Variants in GPR158 observed in about 807,000 individuals in gnomAD.
The protein encoded by GPR158 is metabotropic glycine receptor.
In GPR158, 30 loss-of-function variants were observed where a neutral mutation model predicts 78.2. The ratio of observed to expected loss-of-function variants is 0.38; its 90% CI spans 0.29 to 0.52. GPR158 has a LOEUF of 0.52. Among genes scored for constraint, GPR158 ranks in the 20% least tolerant of loss-of-function variants. The probability of loss-of-function intolerance (pLI) is 0.83; values close to 1 mark genes in which losing one functional copy is unlikely to be tolerated. For missense variants in GPR158, 1,463 were observed against 1,523.5 expected, an observed-to-expected ratio of 0.96 and a Z score of 0.66; for synonymous variants, 581 against 591.1, an observed-to-expected ratio of 0.98 and a Z score of 0.25.
At chr10:25,308,655 C>T (rs1294884869) in intron 2 of GPR158, among the ~76,000 whole-genome samples, 1 of 152,166 alleles carries the variant, frequency 6.6e-6, no homozygotes, top group Non-Finnish European at 1.5e-5. Context: ...TCTCCATTTC[C>T]AGAACTCTTT....
At chr10:25,221,822 G>C (rs1475068348) in intron 2 of GPR158, among the ~76,000 whole-genome samples, 3 of 152,224 alleles carry the variant, frequency 2.0e-5, no homozygotes, top group South Asian at 2.1e-4. Flanking sequence ...CATTTCCAAG[G>C]TCCTCAAACT....
Position 25,206,271 on chromosome 10 carries a change from G to T in GPR158, c.903-14781G>T, listed in dbSNP as rs199657120. Among the ~76,000 whole-genome samples, 6 of 152,144 alleles carry T rather than the reference G, an allele frequency of 3.9e-5. No individual in the cohort carries two copies. The East Asian group carries it at 9.6e-4, about 24-fold the overall frequency. ...CAAAGTGCTGGGATTACAGGCGTGA[G>T]CCACCGCGCCCGGCCCAGATATGGG... On this transcript the variant is annotated intron_variant, in intron 1 of 10. Coordinates refer to ENST00000376351, the MANE Select transcript of GPR158 (RefSeq NM_020752.3).
intron 2 of GPR158, among the ~76,000 whole-genome samples, chr10:25,332,122 G>T (rs572772538): frequency 6.8e-6 from 1 of 147,034 alleles, no homozygotes; most frequent in Admixed American, 6.7e-5. Context: ...CCTGGGGGGG[G>T]GCGAATACAT....
intron 7 of GPR158, among the ~76,000 whole-genome samples, chr10:25,575,585 A>G (rs1377055019): frequency 6.6e-6 from 1 of 152,170 alleles, no homozygotes; most frequent in African/African-American, 2.4e-5. Flanking sequence ...ATATTACTCT[A>G]AAGTACAGAA....
intron 4 of GPR158, among the ~76,000 whole-genome samples, chr10:25,448,152 T>C (rs1487754207): frequency 1.3e-5 from 2 of 150,554 alleles, no homozygotes; most frequent in South Asian, 2.1e-4. Context: ...TGGTGTGATC[T>C]AGGCTCACTG....
At chr10:25,369,861 A>G (rs904418368) in intron 2 of GPR158, among the ~76,000 whole-genome samples, 21 of 152,204 alleles carry the variant, frequency 1.4e-4, no homozygotes, top group African/African-American at 5.1e-4. Flanking sequence ...TTATTGGTCT[A>G]TTCAGGATTC....
chr10:25,509,902 C>T (rs185590763), intron 5 of GPR158, among the ~76,000 whole-genome samples: 6 of 152,144 alleles, frequency 3.9e-5, no homozygotes, highest in East Asian at 1.9e-4. Flanking sequence ...TTAGTTGAGA[C>T]GGGGTTTCAC....
In GPR158 at chr10:25,572,781, C is replaced by T. The variant is rs1284417249; in HGVS notation, c.1647C>T (p.Cys549=). ...TCATTGGCTGGACTTCATCTGTGTG[C>T]CAGAATTTGGAGAAACAGATTTCAC... ...WFLIGWTSSV[C]QNLEKQISLI... is the part of the protein sequence containing the mutation. Residue 549 remains cysteine, a synonymous_variant, in exon 7 of 11, where the codon TGC becomes TGT. Coordinates refer to ENST00000376351, the MANE Select transcript of GPR158 (RefSeq NM_020752.3). 6.2e-7 allele frequency: 1 copy of T among 1,613,160 alleles called. No homozygotes were observed. The highest frequency in any genetic ancestry group is 1.7e-5 in the Admixed American group (1 of 59,982).
intron 1 of GPR158, among the ~76,000 whole-genome samples, chr10:25,204,818 G>GGTT (rs1483084808): frequency 8.4e-6 from 1 of 118,968 alleles, no homozygotes; most frequent in African/African-American, 3.4e-5. Context: ...GTCTCTGAGG[G>GGTT]TTTTTTTTTT....
chr10:25,391,553 C>A (rs971710142), intron 2 of GPR158, among the ~76,000 whole-genome samples: 3 of 152,150 alleles, frequency 2.0e-5, no homozygotes, highest in Admixed American at 2.0e-4. Context: ...AGGCCTGTAG[C>A]CCCTTTATGT....
intron 4 of GPR158, among the ~76,000 whole-genome samples, chr10:25,420,695 T>A (rs1431902040): frequency 6.6e-6 from 1 of 152,218 alleles, no homozygotes; most frequent in Non-Finnish European, 1.5e-5. Context: ...ATTTCCAGTT[T>A]TCCCAACACC....
chr10:25,305,509 G>A (rs1588787983), intron 2 of GPR158, among the ~76,000 whole-genome samples: 1 of 152,100 alleles, frequency 6.6e-6, no homozygotes, highest in South Asian at 2.1e-4. Context: ...AGGATCCTAT[G>A]GGGATGGATA....
At position 25,201,659 on chromosome 10, in the gene GPR158, A is replaced by G. The variant is rs1029551799; in HGVS notation, c.903-19393A>G. ...ACTTATTTTGAGGTATGTTCCTTCA[A>G]TGCCTAGTTTGTTGAGGGTTTTTAA... On this transcript the variant is annotated intron_variant, in intron 1 of 10. Transcript: ENST00000376351. Among the ~76,000 whole-genome samples the G allele has an allele frequency of 3.9e-5, 6 of 152,198 alleles. No homozygotes were observed. The South Asian group carries it at 6.2e-4, about 16-fold the overall frequency.
intron 2 of GPR158, among the ~76,000 whole-genome samples, chr10:25,376,778 A>T (rs988038879): frequency 2.0e-5 from 3 of 151,760 alleles, no homozygotes; most frequent in African/African-American, 7.2e-5. Context: ...ATCCTGAATT[A>T]GCAGTTATTT....
intron 4 of GPR158, among the ~76,000 whole-genome samples, chr10:25,435,815 G>A (rs12773262): frequency 0.091 from 13,879 of 152,220 alleles, 683 homozygotes; most frequent in East Asian, 0.17. Flanking sequence ...GAAATGACAA[G>A]AAGTCTCTTG....
intron 1 of GPR158, among the ~76,000 whole-genome samples, chr10:25,192,312 A>T (rs1405602648): frequency 6.6e-6 from 1 of 152,200 alleles, no homozygotes; most frequent in Non-Finnish European, 1.5e-5. Flanking sequence ...CTCCCCAGCC[A>T]AATGGAACTG....
At chr10:25,244,086 A>G (rs1204105320) in intron 2 of GPR158, 1 of 152,128 alleles carries the variant, frequency 6.6e-6, no homozygotes, top group South Asian at 2.1e-4. Context: ...ACTTAGAACA[A>G]GAGTCATCTT....
chr10:25,402,925 T>A (rs183713751), intron 3 of GPR158, among the ~76,000 whole-genome samples: 1,738 of 151,796 alleles, frequency 0.011, 8 homozygotes, highest in Non-Finnish European at 0.016. Flanking sequence ...TATTTTAATA[T>A]AAAAATATTA....
intron 2 of GPR158, among the ~76,000 whole-genome samples, chr10:25,372,503 A>T (rs1049991661): frequency 1.4e-5 from 2 of 145,364 alleles, no homozygotes; most frequent in Admixed American, 1.4e-4. Context: ...TGTGGCACAT[A>T]TACACCATGG....
Sources: gnomAD v4.1 joint callset for allele counts (sites outside exome capture counted in the v4.1 genomes callset) on GRCh38, gnomAD v4.1.1 for gene constraint, MANE v1.5 for transcripts, NCBI Gene and HGNC (gene_info 2026-07-23, HGNC 2026-07-21) for gene names.